Variants in RNF144A observed in about 807,000 individuals in gnomAD.
RNF144A encodes ring finger protein 144A, also known as E3 ubiquitin-protein ligase RNF144A.
A neutral mutation model predicts 38.7 loss-of-function variants in RNF144A; 11 were observed. The ratio of observed to expected loss-of-function variants is 0.28; its 90% CI spans 0.18 to 0.47. RNF144A has a LOEUF of 0.47. Among genes scored for constraint, RNF144A ranks in the 20% least tolerant of loss-of-function variants. The pLI is 0.99. For missense variants in RNF144A, 316 were observed against 377.2 expected (o/e 0.84, Z 1.34); for synonymous variants, 149 against 143.9 (o/e 1.04, Z -0.25).
At chr2:6,923,738 G>A (rs1664690867) in intron 1 of RNF144A, among the ~76,000 whole-genome samples, 1 of 152,066 alleles carries the variant, frequency 6.6e-6, no homozygotes, top group South Asian at 2.1e-4. Context: ...AGGTGCCTGC[G>A]TTCTCTCTCG....
intron 3 of RNF144A, among the ~76,000 whole-genome samples, chr2:6,999,788 A>G (rs949505219): frequency 3.3e-5 from 5 of 152,240 alleles, no homozygotes; most frequent in Non-Finnish European, 7.3e-5. Flanking sequence ...GAACTGCAGG[A>G]ATAAAAACAG....
At chr2:6,989,320 G>C (rs1037056426) in intron 2 of RNF144A, among the ~76,000 whole-genome samples, 5 of 150,250 alleles carry the variant, frequency 3.3e-5, no homozygotes, top group African/African-American at 1.2e-4. Context: ...CACTCCAACA[G>C]TGAGAAACCT....
chr2:7,065,898 A>G (rs935812696), intron 6 of RNF144A, among the ~76,000 whole-genome samples: 1 of 152,240 alleles, frequency 6.6e-6, no homozygotes, highest in Non-Finnish European at 1.5e-5. Flanking sequence ...CTGGGTAAGA[A>G]TTTGCAGAAC....
At chr2:6,949,044 G>C (rs1666512835) in intron 2 of RNF144A, among the ~76,000 whole-genome samples, 1 of 152,190 alleles carries the variant, frequency 6.6e-6, no homozygotes, top group African/African-American at 2.4e-5. Flanking sequence ...CATGCGAGGT[G>C]ACCACGTGGT....
rs146548260 is a variant in RNF144A, at chr2:7,052,759, C to T, written c.735-15457C>T. ...GGGGTGGGGGGGAATCACTCGTTTA[C>T]CGAGGACCTTCCTGTTCTCTGGAAA... On this transcript the variant is annotated intron_variant, in intron 6 of 6. Transcript: ENST00000432850. Among the ~76,000 whole-genome samples the T allele has an allele frequency of 4.0e-3, 602 of 152,056 alleles. 2 individuals are homozygous for T. The highest frequency in any genetic ancestry group is 6.4e-3 in the Non-Finnish European group (438 of 67,996).
intron 2 of RNF144A, among the ~76,000 whole-genome samples, chr2:6,961,600 A>T (rs1667344417): frequency 6.6e-6 from 1 of 152,236 alleles, no homozygotes; most frequent in African/African-American, 2.4e-5. Context: ...GCAAGAGAAC[A>T]CTAAGAGAGG....
chr2:7,044,816 C>A (rs533822255), downstream of RNF144A, among the ~76,000 whole-genome samples: 17 of 152,282 alleles, frequency 1.1e-4, no homozygotes, highest in African/African-American at 3.9e-4. Flanking sequence ...AGTTTTAAAT[C>A]CATTCTTTAT....
At position 6,921,529 on chromosome 2, in the gene RNF144A, G is replaced by A. The variant is rs1664538701; in HGVS notation, c.-212+3907G>A. Among the ~76,000 whole-genome samples, 4 of 152,360 alleles carry A rather than the reference G, an allele frequency of 2.6e-5. 1 individual carries two copies. The South Asian group carries it at 8.3e-4, about 32-fold the overall frequency. ...TGACAGAGGAGCAGAGTGAAGCAGA[G>A]AGCAGGGATGTTGTCCAACATCGCA... On this transcript the variant is annotated intron_variant, in intron 1 of 8. Transcript: ENST00000320892.
intron 8 of RNF144A, among the ~76,000 whole-genome samples, chr2:7,038,346 A>G (rs1023975415): frequency 1.3e-5 from 2 of 152,092 alleles, no homozygotes; most frequent in African/African-American, 4.8e-5. Flanking sequence ...TGTCACTCAC[A>G]TGGCGGGGGT....
At position 7,014,622 on chromosome 2, in the gene RNF144A, G is replaced by A. The variant is rs998225621; in HGVS notation, c.240+64G>A. Reference sequence around the variant, plus strand: ...CAGGCGTGCACTGCTGAACTTGTCAGAATAACGTGGGTTTTGTTTGGGTGT... The same window carrying A: ...CAGGCGTGCACTGCTGAACTTGTCAAAATAACGTGGGTTTTGTTTGGGTGT... On this transcript the variant is annotated intron_variant, in intron 4 of 8. Coordinates refer to ENST00000320892, the MANE Select transcript of RNF144A (RefSeq NM_014746.6). 3 of 1,523,490 alleles carry A rather than the reference G, an allele frequency of 2.0e-6. No homozygotes were observed. The African/African-American group carries it at 4.1e-5, about 21-fold the overall frequency. The allele number at this position is 1,523,490 out of a possible 1,614,324, so 94.4% of individuals were successfully genotyped here.
chr2:7,029,917 AG>A (rs1230154164), intron 7 of RNF144A, among the ~76,000 whole-genome samples: 4 of 152,218 alleles, frequency 2.6e-5, no homozygotes, highest in Non-Finnish European at 5.9e-5. Context: ...CAGGGCTGCT[AG>A]GTGATGAAGG....
Position 7,020,648 on chromosome 2 carries a change from C to A in RNF144A, c.477C>A (p.Thr159=), listed in dbSNP as rs751605640. The A allele has an allele frequency of 6.2e-7, 1 of 1,606,194 alleles. No individual in the cohort carries two copies. Among genetic ancestry groups the A allele is most frequent in the Non-Finnish European group, 8.5e-7 (1 of 1,179,978 alleles). The change falls in exon 6 of 9, where the codon ACC becomes ACA. Residue 159 remains threonine (T), a synonymous_variant. Coordinates refer to ENST00000320892, the MANE Select transcript of RNF144A (RefSeq NM_014746.6). ...ACCCTGGCCAGGGCTGCCCGGAGAC[C>A]ATGCCGATCACCTTCCTCCCCGGGG... The part of the protein sequence containing the change: ...SWHPGQGCPE[T]MPITFLPGET...
chr2:7,024,405 C>G lies in RNF144A; in HGVS notation c.546C>G (p.Ile182Met), dbSNP rs1319783183. The G allele has an allele frequency of 6.2e-7, 1 of 1,610,892 alleles. No homozygotes were observed. ...AAATGGAAGAAGATGACGCGCCCAT[C>G]AAGCGCTGCCCCAAGTGCAAAGTCT... ...AFKMEEDDAP[I>M]KRCPKCKVYI... is the part of the protein sequence containing the mutation. The change falls in exon 7 of 9, where the codon ATC becomes ATG. Residue 182 changes from isoleucine to methionine, a missense_variant. By Grantham distance (10) the Ile-to-Met change is conservative (BLOSUM62 1). Transcript: ENST00000320892.
Position 7,041,963 on chromosome 2 carries a change from A to G in RNF144A, c.*2203A>G. 2.0e-6 allele frequency: 2 copies of G among 985,218 alleles called. No homozygotes were observed. The highest frequency in any genetic ancestry group is 2.4e-6 in the Non-Finnish European group (2 of 829,894). 61.0% of individuals were successfully genotyped at this position (985,218 alleles called of 1,614,324 possible). On this transcript the variant is annotated 3_prime_UTR_variant, in exon 9 of 9. Coordinates refer to ENST00000320892, the MANE Select transcript of RNF144A (RefSeq NM_014746.6). ...TAGCCCCAGCCATCCTTGTGCCTTC[A>G]CCTCTGATGTGTTTCACAAGCACGT...
chr2:7,009,360 G>T (rs926102178), intron 3 of RNF144A, among the ~76,000 whole-genome samples: 1 of 152,154 alleles, frequency 6.6e-6, no homozygotes, highest in East Asian at 1.9e-4. Flanking sequence ...GGTAATGCAG[G>T]GGAGCAGCAC....
chr2:6,991,248 C>G (rs1460051178), intron 2 of RNF144A, among the ~76,000 whole-genome samples: 1 of 152,172 alleles, frequency 6.6e-6, no homozygotes, highest in African/African-American at 2.4e-5. Flanking sequence ...GCATCATCTG[C>G]TTGGGAGGAG....
downstream of RNF144A, among the ~76,000 whole-genome samples, chr2:7,072,447 C>G (rs1186302752): frequency 1.3e-5 from 2 of 152,196 alleles, no homozygotes; most frequent in Non-Finnish European, 2.9e-5. Context: ...CAAAGAGAAG[C>G]CAGAGCTTGA....
In RNF144A at chr2:6,985,974, G is replaced by A. The variant is rs117214287; in HGVS notation, c.-11-10942G>A. Among the ~76,000 whole-genome samples the A allele has an allele frequency of 5.2e-3, 790 of 152,230 alleles. 5 individuals carry two copies. The highest frequency in any genetic ancestry group is 0.018 in the African/African-American group (752 of 41,548). ...CAGGCGTGAGCCACTGTGCCCGGCC[G>A]CATGTTTTATCTTTATCACTCTCTT... On this transcript the variant is annotated intron_variant, in intron 2 of 8. Coordinates refer to ENST00000320892, the MANE Select transcript of RNF144A (RefSeq NM_014746.6).
intron 2 of RNF144A, among the ~76,000 whole-genome samples, chr2:6,945,049 A>G (rs1666244376): frequency 2.0e-5 from 3 of 152,282 alleles, no homozygotes; most frequent in African/African-American, 4.8e-5. Context: ...TAGTTTAAAA[A>G]GAAAAGAAAT....
Sources: gnomAD v4.1 joint callset for allele counts (sites outside exome capture counted in the v4.1 genomes callset) on GRCh38, gnomAD v4.1.1 for gene constraint, MANE v1.5 for transcripts, NCBI Gene and HGNC (gene_info 2026-07-23, HGNC 2026-07-21) for gene names.